The following ATE1 variants were observed in gnomAD, a reference collection of about 807,000 sequenced individuals.
The protein encoded by ATE1 is arginyltransferase 1, also known as arginyl-tRNA--protein transferase 1.
In ATE1, 36 loss-of-function variants were observed where a neutral mutation model predicts 70.5. The ratio of observed to expected loss-of-function variants is 0.51; its 90% confidence interval spans 0.39 to 0.67. The LOEUF (loss-of-function observed/expected upper bound fraction) is 0.67. ATE1 is among the 30% of genes least tolerant of loss of function. The pLI is 0.00. For synonymous variants in ATE1, 232 were observed against 219.3 expected (o/e 1.06, Z -0.51); for missense variants, 593 against 629.5 (o/e 0.94, Z 0.62).
At chr10:121,780,749 C>A (rs1945950810) in intron 11 of ATE1, among the ~76,000 whole-genome samples, 1 of 152,186 alleles carries the variant, frequency 6.6e-6, no homozygotes, top group East Asian at 1.9e-4. Flanking sequence ...GTTCCATCCC[C>A]TGTTGAAATC....
intron 7 of ATE1, among the ~76,000 whole-genome samples, chr10:121,877,501 A>AAT (rs889739225): frequency 3.3e-4 from 50 of 151,538 alleles, no homozygotes; most frequent in African/African-American, 4.6e-4. Context: ...AGATATTTAG[A>AAT]ATATATATAT....
intron 11 of ATE1, among the ~76,000 whole-genome samples, chr10:121,775,597 C>G (rs759562390): frequency 6.6e-6 from 1 of 152,222 alleles, no homozygotes; most frequent in Non-Finnish European, 1.5e-5. Context: ...AGTGATGTTT[C>G]TTACCCACAA....
intron 11 of ATE1, among the ~76,000 whole-genome samples, chr10:121,767,166 G>A (rs1377395699): frequency 6.6e-6 from 1 of 152,118 alleles, no homozygotes; most frequent in Non-Finnish European, 1.5e-5. Flanking sequence ...ACAGTTTAAA[G>A]AAGAAAAATC....
At chr10:121,928,410 T>G, upstream of ATE1, 2 of 1,527,028 alleles carry the variant, frequency 1.3e-6, no homozygotes, top group Non-Finnish European at 1.8e-6. Flanking sequence ...CTGAGGCCCT[T>G]GTATTCCACC....
upstream of ATE1, chr10:121,928,041 C>A: frequency 1.6e-6 from 2 of 1,240,046 alleles, no homozygotes; most frequent in Non-Finnish European, 2.0e-6. Context: ...CGCCCGGGAG[C>A]CTCCCGAGGC....
intron 11 of ATE1, among the ~76,000 whole-genome samples, chr10:121,753,873 G>T (rs1193642440): frequency 1.3e-5 from 2 of 152,142 alleles, no homozygotes; most frequent in Non-Finnish European, 2.9e-5. Flanking sequence ...GCTGGGGCTG[G>T]GCCAAAGAGA....
At chr10:121,874,621 A>T (rs565347857) in intron 7 of ATE1, among the ~76,000 whole-genome samples, 1 of 152,302 alleles carries the variant, frequency 6.6e-6, no homozygotes, top group South Asian at 2.1e-4. Context: ...TCTCTATCCC[A>T]ATTGCAAGCA....
At chr10:121,751,039 G>A (rs1944556972) in intron 11 of ATE1, among the ~76,000 whole-genome samples, 4 of 152,188 alleles carry the variant, frequency 2.6e-5, no homozygotes, top group Non-Finnish European at 5.9e-5. Context: ...AGAACAGGCC[G>A]AGAAATGCAG....
chr10:121,799,402 T>C (rs1202324801), intron 10 of ATE1, among the ~76,000 whole-genome samples: 2 of 151,538 alleles, frequency 1.3e-5, no homozygotes, highest in African/African-American at 4.9e-5. Flanking sequence ...CCTCCTGCAA[T>C]ATGTCTTACA....
intron 10 of ATE1, among the ~76,000 whole-genome samples, chr10:121,807,995 TA>T (rs1460058266): frequency 2.0e-5 from 3 of 151,940 alleles, no homozygotes; most frequent in Non-Finnish European, 4.4e-5. Context: ...ACTCTTACTG[TA>T]AAAAAATGTA....
chr10:121,762,972 G>T (rs1032199970), intron 11 of ATE1, among the ~76,000 whole-genome samples: 1 of 152,090 alleles, frequency 6.6e-6, no homozygotes, highest in Non-Finnish European at 1.5e-5. Context: ...CCTTTTCCAA[G>T]AACCTATTGA....
intron 10 of ATE1, among the ~76,000 whole-genome samples, chr10:121,816,285 C>T (rs1947538973): frequency 6.6e-6 from 1 of 152,130 alleles, no homozygotes; most frequent in Non-Finnish European, 1.5e-5. Flanking sequence ...AAGGGTGCTA[C>T]ATATAATAGA....
At chr10:121,745,452 C>T (rs1407212109) in intron 11 of ATE1, among the ~76,000 whole-genome samples, 4 of 152,218 alleles carry the variant, frequency 2.6e-5, no homozygotes, top group East Asian at 1.9e-4. Context: ...TGCAGTGGCT[C>T]ACGCCTGTAA....
intron 7 of ATE1, 125 bp downstream of exon 7, chr10:121,899,741 T>C (rs1950906907): frequency 2.8e-6 from 4 of 1,416,306 alleles, no homozygotes; most frequent in Non-Finnish European, 3.8e-6. Flanking sequence ...TCTTAGGTCT[T>C]TGCAGATATG....
chr10:121,836,033 C>G (rs993943907), intron 10 of ATE1, among the ~76,000 whole-genome samples: 1 of 152,182 alleles, frequency 6.6e-6, no homozygotes, highest in Non-Finnish European at 1.5e-5. Flanking sequence ...GGGTCCTGCA[C>G]AGTCCTTCAG....
At chr10:121,836,645 C>A in intron 10 of ATE1, 73 bp downstream of exon 10, 2 of 945,908 alleles carry the variant, frequency 2.1e-6, no homozygotes, top group South Asian at 1.6e-5. Context: ...AAACCCAGTG[C>A]CCTGAGATAA....
At chr10:121,927,509 G>A (rs1178340475) in intron 1 of ATE1, 52 of 985,232 alleles carry the variant, frequency 5.3e-5, no homozygotes, top group Admixed American at 6.2e-5. Context: ...CCACCGGTCA[G>A]CCCCGGCCAT....
At chr10:121,911,951 T>C (rs1386088178) in intron 4 of ATE1, among the ~76,000 whole-genome samples, 1 of 152,050 alleles carries the variant, frequency 6.6e-6, no homozygotes, top group African/African-American at 2.4e-5. Flanking sequence ...TTTCACTGTG[T>C]TAGCCGGGAT....
At chr10:121,829,618 G>A (rs753226397) in intron 10 of ATE1, among the ~76,000 whole-genome samples, 3 of 151,198 alleles carry the variant, frequency 2.0e-5, no homozygotes, top group African/African-American at 2.4e-5. Flanking sequence ...CTGAGGCAGA[G>A]AATTGCTTAA....
Sources: allele counts gnomAD v4.1 joint callset (sites outside exome capture counted in the v4.1 genomes callset), GRCh38; gene constraint gnomAD v4.1.1; transcripts MANE v1.5; gene names NCBI Gene and HGNC (gene_info 2026-07-23, HGNC 2026-07-21).